The following LRRC8C variants were observed in gnomAD, a reference collection of about 807,000 sequenced individuals.
The protein encoded by LRRC8C is leucine rich repeat containing 8 VRAC subunit C.
Under a neutral mutation model 55.3 loss-of-function variants are expected in LRRC8C, and 20 were observed. The observed-to-expected ratio is 0.36, with a 90% CI of 0.25 to 0.53. LRRC8C has a LOEUF of 0.53. Among genes scored for constraint, LRRC8C ranks in the 20% least tolerant of loss-of-function variants. The pLI, the probability that LRRC8C is intolerant of heterozygous loss-of-function variation, is 0.92. For missense variants in LRRC8C, 659 were observed against 951.4 expected (o/e 0.69, Z 4.04); for synonymous variants, 376 against 360.7 (o/e 1.04, Z -0.48).
intron 2 of LRRC8C, among the ~76,000 whole-genome samples, chr1:89,705,500 C>T (rs1052009659): frequency 2.6e-5 from 4 of 151,744 alleles, no homozygotes; most frequent in Admixed American, 6.6e-5. Flanking sequence ...ATGTTTTGGC[C>T]GGGTGCAGTG....
At chr1:89,681,448 A>T (rs1325188739) in intron 1 of LRRC8C, among the ~76,000 whole-genome samples, 1 of 152,230 alleles carries the variant, frequency 6.6e-6, no homozygotes, top group African/African-American at 2.4e-5. Context: ...ATTCAATAAA[A>T]TCTGGTACAT....
chr1:89,696,342 A>G (rs1658171703), intron 2 of LRRC8C, among the ~76,000 whole-genome samples: 1 of 152,096 alleles, frequency 6.6e-6, no homozygotes, highest in Non-Finnish European at 1.5e-5. Flanking sequence ...AAATCTACGT[A>G]CCTGCAAAAA....
chr1:89,662,702 A>G lies in LRRC8C; in HGVS notation c.-4-23768A>G, dbSNP rs1444359010. On this transcript the variant is annotated intron_variant, in intron 1 of 2. Coordinates refer to ENST00000370454, the MANE Select transcript of LRRC8C (RefSeq NM_032270.5). ...CTCTTAAAATAGAGCCCTAAACTCC[A>G]GTAAGGGACCTGAATAATGCTAGTT... Among the ~76,000 whole-genome samples the G allele has an allele frequency of 2.6e-5, 4 of 152,202 alleles. No individual in the cohort carries two copies. The East Asian group carries it at 7.7e-4, about 29-fold the overall frequency.
the LRRC8C span, among the ~76,000 whole-genome samples, chr1:89,621,189 G>A: frequency 6.6e-6 from 1 of 151,908 alleles, no homozygotes; most frequent in African/African-American, 2.4e-5. Context: ...GGCCAGGCGC[G>A]GTGGCTCACG....
intron 1 of LRRC8C, chr1:89,676,436 G>A (rs1301469973): frequency 6.6e-6 from 1 of 152,150 alleles, no homozygotes; most frequent in African/African-American, 2.4e-5. Context: ...AGTAGTGGAT[G>A]TTCTTTGAAT....
At chr1:89,637,446 G>T (rs1389924918) in intron 1 of LRRC8C, among the ~76,000 whole-genome samples, 5 of 150,952 alleles carry the variant, frequency 3.3e-5, no homozygotes, top group African/African-American at 1.2e-4. Flanking sequence ...AGCACAAGCA[G>T]AAGACCCACT....
chr1:89,697,483 C>T (rs1658206157), intron 2 of LRRC8C, among the ~76,000 whole-genome samples: 2 of 152,140 alleles, frequency 1.3e-5, no homozygotes, highest in South Asian at 4.1e-4. Flanking sequence ...AGGTTTCAGT[C>T]CCTGGGCATT....
At chr1:89,663,284 C>G (rs566233099) in intron 1 of LRRC8C, among the ~76,000 whole-genome samples, 85 of 152,220 alleles carry the variant, frequency 5.6e-4, no homozygotes, top group African/African-American at 1.5e-3. Flanking sequence ...AATAAACACA[C>G]ATGTGGCCGG....
chr1:89,696,465 A>T (rs1470386818), intron 2 of LRRC8C, among the ~76,000 whole-genome samples: 1 of 151,928 alleles, frequency 6.6e-6, no homozygotes, highest in African/African-American at 2.4e-5. Flanking sequence ...GAACAGACAG[A>T]GGGGAGAGGG....
At chr1:89,705,341 T>C (rs1212623514) in intron 2 of LRRC8C, among the ~76,000 whole-genome samples, 1 of 149,720 alleles carries the variant, frequency 6.7e-6, no homozygotes, top group Non-Finnish European at 1.5e-5. Context: ...AGTTAGTGGG[T>C]GCAGCGCACC....
chr1:89,679,463 A>G (rs1657640364), intron 1 of LRRC8C, among the ~76,000 whole-genome samples: 1 of 152,184 alleles, frequency 6.6e-6, no homozygotes. Flanking sequence ...CTGAGACATG[A>G]GAATCACTTG....
chr1:89,682,100 C>A (rs953266383), intron 1 of LRRC8C, among the ~76,000 whole-genome samples: 13 of 152,108 alleles, frequency 8.5e-5, no homozygotes, highest in Non-Finnish European at 1.5e-4. Context: ...TGGCGTGAAC[C>A]CGGGAGGCGG....
intron 1 of LRRC8C, among the ~76,000 whole-genome samples, chr1:89,656,746 A>G (rs560751136): frequency 7.9e-4 from 120 of 152,368 alleles, no homozygotes; most frequent in African/African-American, 2.7e-3. Context: ...CTTTCCATGA[A>G]CAGCAGATAT....
At chr1:89,688,627 G>C (rs539978229) in intron 2 of LRRC8C, among the ~76,000 whole-genome samples, 1 of 152,316 alleles carries the variant, frequency 6.6e-6, no homozygotes, top group African/African-American at 2.4e-5. Flanking sequence ...GCAAGAGCAA[G>C]AGGCACATAG....
chr1:89,705,454 AAAAATAAAAT>A lies in LRRC8C; in HGVS notation c.139-7236_139-7227del, dbSNP rs759437699. ...TAATAAAGAAATTTAGGGATTAACCAAAAATAAAATAAAATAAAATAAAATAAATAAATAA... is the reference window on the plus strand; with the variant it reads ...TAATAAAGAAATTTAGGGATTAACCAAAAATAAAATAAAATAAATAAATAA... On this transcript the variant is annotated intron_variant, in intron 2 of 2. Coordinates refer to ENST00000370454, the MANE Select transcript of LRRC8C (RefSeq NM_032270.5). Among the ~76,000 whole-genome samples the A allele has an allele frequency of 2.6e-5, 4 of 151,978 alleles. No homozygotes were observed. The South Asian group carries it at 6.2e-4, about 24-fold the overall frequency.
intron 1 of LRRC8C, among the ~76,000 whole-genome samples, chr1:89,666,184 C>T (rs1657257709): frequency 6.6e-6 from 1 of 152,286 alleles, no homozygotes; most frequent in African/African-American, 2.4e-5. Flanking sequence ...TGCTATTGCA[C>T]TGCTGTTGCT....
intron 1 of LRRC8C, among the ~76,000 whole-genome samples, chr1:89,647,126 T>A (rs1200391318): frequency 6.6e-6 from 1 of 152,236 alleles, no homozygotes; most frequent in Non-Finnish European, 1.5e-5. Context: ...ACTGTTGACC[T>A]AATTAAAGAT....
At chr1:89,698,656 A>G (rs1570734157) in intron 2 of LRRC8C, among the ~76,000 whole-genome samples, 1 of 152,096 alleles carries the variant, frequency 6.6e-6, no homozygotes, top group Admixed American at 6.5e-5. Context: ...TCAGAAATCT[A>G]AGTTTTAATG....
chr1:89,684,041 A>T (rs928997664), intron 1 of LRRC8C, among the ~76,000 whole-genome samples: 13 of 152,102 alleles, frequency 8.5e-5, no homozygotes, highest in African/African-American at 3.1e-4. Context: ...TATTTTTCAT[A>T]ATGATGTATC....
Sources: gnomAD v4.1 joint callset for allele counts (sites outside exome capture counted in the v4.1 genomes callset) on GRCh38, gnomAD v4.1.1 for gene constraint, MANE v1.5 for transcripts, NCBI Gene and HGNC (gene_info 2026-07-23, HGNC 2026-07-21) for gene names.